Variants in N4BP2L2 observed in about 807,000 individuals in gnomAD.
N4BP2L2 encodes the protein NEDD4 binding protein 2 like 2.
Under a neutral mutation model 56.2 loss-of-function variants are expected in N4BP2L2, and 50 were observed. That is an observed-to-expected ratio of 0.89 (90% confidence interval 0.71 to 1.13). The LOEUF (loss-of-function observed/expected upper bound fraction) is 1.13, where lower values mean the gene tolerates loss of function less well. Among genes scored for constraint, N4BP2L2 ranks in the 50% most tolerant of loss-of-function variants. N4BP2L2 has a pLI of 0.00. For missense variants in N4BP2L2, 689 were observed against 693.8 expected, an observed-to-expected ratio of 0.99 and a Z score of 0.08; for synonymous variants, 203 against 223.6, an observed-to-expected ratio of 0.91 and a Z score of 0.82.
chr13:32,442,686 A>G, exon 7 of N4BP2L2: 1 of 1,613,872 alleles, frequency 6.2e-7, no homozygotes. Flanking sequence ...CGAAAGTCAA[A>G]AACAGTTTCT....
intron 2 of N4BP2L2, among the ~76,000 whole-genome samples, chr13:32,533,767 C>T (rs2055702466): frequency 6.6e-6 from 1 of 152,078 alleles, no homozygotes; most frequent in African/African-American, 2.4e-5. Context: ...CTCCAATCAG[C>T]TCAACTCTGA....
chr13:32,518,106 T>C lies in N4BP2L2; in HGVS notation c.1551-103A>G, dbSNP rs60669778. ...CACACAAATTCTAAATAATATTTTG[T>C]AAATAAACAATATATATTTCATCTG... On this transcript the variant is annotated intron_variant, in intron 5 of 5. Coordinates refer to ENST00000267068, the Ensembl canonical transcript of N4BP2L2. 0.014 allele frequency: 14,703 copies of C among 1,058,536 alleles called. 1,377 individuals carry two copies. In the African/African-American group the frequency reaches 0.2, roughly 15 times the overall value. The allele number at this position is 1,058,536 out of a possible 1,614,324, so 65.6% of individuals were successfully genotyped here. A position where few individuals can be genotyped will look rare whatever the true frequency, so the allele number is the denominator to read the frequency against.
downstream of N4BP2L2, chr13:32,506,355 T>C (rs566210050): frequency 6.6e-6 from 1 of 152,346 alleles, no homozygotes; most frequent in East Asian, 1.9e-4. Flanking sequence ...AGTTAGAATT[T>C]CAATCTTCAG....
In N4BP2L2 at chr13:32,536,276, T is replaced by C. The variant is rs748704439; in HGVS notation, c.752A>G (p.Gln251Arg). 6 of 1,613,656 alleles carry C rather than the reference T, an allele frequency of 3.7e-6. No individual in the cohort carries two copies. The East Asian group carries it at 1.3e-4, about 36-fold the overall frequency. ...AGTGTCACAAAATGTAGGTATTACT[T>C]GTCCATTACAGGGATATTTGTCTGG... The change falls in exon 2 of 6, where the codon CAA becomes CGA. Residue 251 changes from glutamine (Q) to arginine (R), a missense_variant. Gln to Arg is a conservative substitution (Grantham distance 43, BLOSUM62 1). Transcript: ENST00000267068.
At chr13:32,456,235 C>T (rs1011664029) in intron 6 of N4BP2L2, among the ~76,000 whole-genome samples, 1 of 152,174 alleles carries the variant, frequency 6.6e-6, no homozygotes, top group African/African-American at 2.4e-5. Context: ...ACAAACTCAG[C>T]CTAATCCACT....
At chr13:32,521,325 A>G (rs754867441) in intron 5 of N4BP2L2, 48 bp downstream of exon 5, 15 of 1,372,040 alleles carry the variant, frequency 1.1e-5, no homozygotes, top group Non-Finnish European at 1.5e-5. Context: ...AGAATTCACA[A>G]AAGAAAGAAG....
At chr13:32,536,199 G>A in exon 2 of N4BP2L2, 9 of 1,613,552 alleles carry the variant, frequency 5.6e-6, no homozygotes, top group African/African-American at 1.3e-5. Context: ...GGACCATAGG[G>A]CACTATAAAA....
chr13:32,511,210 C>A (rs1282166676), exon 6 of N4BP2L2: 1 of 152,114 alleles, frequency 6.6e-6, no homozygotes, highest in Non-Finnish European at 1.5e-5. Context: ...ATTAAATAAG[C>A]AGCAGTTATT....
intron 4 of N4BP2L2, 97 bp from the exon 5 acceptor site, chr13:32,521,546 A>C: frequency 1.4e-6 from 1 of 738,902 alleles, no homozygotes; most frequent in Admixed American, 2.7e-5. Context: ...AATACTATAC[A>C]CTTGCTCGAC....
Position 32,472,349 on chromosome 13 carries a change from TCTTA to T in N4BP2L2, c.366-28227_366-28224del, listed in dbSNP as rs1593662025. The stretch of plus-strand genomic sequence containing the variant: ...TACTAAGAAGATTCCACTTTCTGGT[TCTTA>T]CTTATTTGGTACTGCAGAATCAGTG... On this transcript the variant is annotated intron_variant, in intron 6 of 9. Coordinates refer to the N4BP2L2 transcript ENST00000357505. Among the ~76,000 whole-genome samples, 4 of 152,220 alleles carry T rather than the reference TCTTA, an allele frequency of 2.6e-5. No homozygotes were observed. In the East Asian group the frequency reaches 7.7e-4, roughly 29 times the overall value.
intron 2 of N4BP2L2, among the ~76,000 whole-genome samples, chr13:32,535,178 C>G (rs898625242): frequency 2.0e-5 from 3 of 152,138 alleles, no homozygotes; most frequent in African/African-American, 7.2e-5. Context: ...TAACAGAGAG[C>G]AAAACTTGCC....
At chr13:32,485,012 G>T (rs2085563909) in intron 6 of N4BP2L2, among the ~76,000 whole-genome samples, 1 of 152,122 alleles carries the variant, frequency 6.6e-6, no homozygotes, top group Non-Finnish European at 1.5e-5. Flanking sequence ...GTTTTCTACA[G>T]AGCTGTGCAA....
chr13:32,481,118 CA>C (rs60854435), intron 6 of N4BP2L2, among the ~76,000 whole-genome samples: 207 of 20,656 alleles, frequency 0.01, no homozygotes, highest in African/African-American at 0.033. Context: ...GACTCTGTCT[CA>C]AAAAAAAAAA....
intron 6 of N4BP2L2, among the ~76,000 whole-genome samples, chr13:32,483,241 G>T (rs749253031): frequency 6.6e-6 from 1 of 152,134 alleles, no homozygotes; most frequent in Non-Finnish European, 1.5e-5. Context: ...GGAAAATGTA[G>T]ATGGGCAAAG....
chr13:32,536,501 T>C (rs759448412), exon 2 of N4BP2L2: 4 of 1,612,988 alleles, frequency 2.5e-6, no homozygotes, highest in Non-Finnish European at 2.5e-6. Context: ...AATTTCTTTG[T>C]AAAACTGGAA....
intron 6 of N4BP2L2, among the ~76,000 whole-genome samples, chr13:32,488,165 A>G (rs2086287241): frequency 6.6e-6 from 1 of 152,234 alleles, no homozygotes; most frequent in Admixed American, 6.5e-5. Context: ...ATTATACTAT[A>G]CAGCTACGTT....
At chr13:32,467,357 A>C (rs1357272252) in intron 6 of N4BP2L2, among the ~76,000 whole-genome samples, 1 of 151,894 alleles carries the variant, frequency 6.6e-6, no homozygotes, top group Non-Finnish European at 1.5e-5. Flanking sequence ...TCCTGGGTTC[A>C]AGTGATTCTC....
At chr13:32,441,227 G>C (rs1300872819) in intron 7 of N4BP2L2, among the ~76,000 whole-genome samples, 1 of 152,084 alleles carries the variant, frequency 6.6e-6, no homozygotes, top group Non-Finnish European at 1.5e-5. Flanking sequence ...CATCCCTTCA[G>C]TATCCTTTTC....
chr13:32,434,256 CTTTTTTTT>C (rs983130668), intron 9 of N4BP2L2, among the ~76,000 whole-genome samples: 1 of 128,280 alleles, frequency 7.8e-6, no homozygotes, highest in Non-Finnish European at 1.6e-5. Flanking sequence ...TTCTTTTTTT[CTTTTTTTT>C]TTTTTTGTAT....
Sources: allele counts gnomAD v4.1 joint callset (sites outside exome capture counted in the v4.1 genomes callset), GRCh38; gene constraint gnomAD v4.1.1; transcripts MANE v1.5; gene names NCBI Gene and HGNC (gene_info 2026-07-23, HGNC 2026-07-21).